Variants in BMP8B observed in about 807,000 individuals in gnomAD.
BMP8B encodes bone morphogenetic protein 8b, also known as bone morphogenetic protein 8 (osteogenic protein 2).
A neutral mutation model predicts 30.3 loss-of-function variants in BMP8B; 17 were observed. The observed-to-expected ratio is 0.56, with a 90% CI of 0.38 to 0.84. The LOEUF is 0.84. BMP8B is among the 40% of genes least tolerant of loss of function. The pLI is 0.00. For missense variants in BMP8B, 253 were observed against 494.6 expected, an observed-to-expected ratio of 0.51 and a Z score of 4.63; for synonymous variants, 131 against 214.7, an observed-to-expected ratio of 0.61 and a Z score of 3.41.
chr1:39,788,175 A>T lies in BMP8B; in HGVS notation c.311T>A (p.Leu104Gln). Residue 104 changes from leucine (L) to glutamine (Q), a missense_variant, in exon 1 of 7, where the codon CTG becomes CAG. Coordinates refer to ENST00000372827, the MANE Select transcript of BMP8B (RefSeq NM_001720.5). The surrounding 1 kb of genome is among the most constrained non-coding windows in gnomAD (Gnocchi z 5.8). The part of the protein sequence containing the change: ...PAERRLGRAD[L>Q]VMSFVNMVER... ...ACCCATGTTAACGAAGCTCATGACC[A>T]GGTCGGCGCGGCCCAGGCGCCGCTC... 1 of 1,573,934 alleles carries T rather than the reference A, an allele frequency of 6.4e-7. No individual in the cohort carries two copies. The highest frequency in any genetic ancestry group is 8.5e-7 in the Non-Finnish European group (1 of 1,169,994).
At chr1:39,766,892 C>T (rs1413380265) in intron 3 of BMP8B, among the ~76,000 whole-genome samples, 18 of 151,608 alleles carry the variant, frequency 1.2e-4, no homozygotes, top group African/African-American at 4.1e-4. Context: ...GTCACCAGCC[C>T]GGGCACTGGA....
rs1445389318 is a variant in BMP8B at position 39,771,190 on chromosome 1, G to A, written c.673+3118C>T. 5 of 1,536,158 alleles carry A rather than the reference G, an allele frequency of 3.3e-6. No individual in the cohort carries two copies. The East Asian group carries it at 9.7e-5, about 30-fold the overall frequency. The stretch of plus-strand genomic sequence containing the variant: ...AGCGGGCGCAGCCCTGGGACAGCGC[G>A]AGCCCTGAGCCGCCGGCGGGGACCC... On this transcript the variant is annotated intron_variant, in intron 3 of 6. Transcript: ENST00000372827.
chr1:39,782,468 T>C (rs1465211553), intron 1 of BMP8B, among the ~76,000 whole-genome samples: 3 of 140,214 alleles, frequency 2.1e-5, no homozygotes, highest in African/African-American at 8.1e-5. Flanking sequence ...GCTTTGTTTT[T>C]GTTTTTGTTT....
intron 1 of BMP8B, among the ~76,000 whole-genome samples, chr1:39,786,847 C>A (rs1200769551): frequency 4.6e-5 from 7 of 152,266 alleles, no homozygotes; most frequent in African/African-American, 1.4e-4. Flanking sequence ...CTCGCCTCCA[C>A]CACCAGCTCT....
chr1:39,775,852 T>C (rs1650187666), intron 1 of BMP8B, among the ~76,000 whole-genome samples: 1 of 152,116 alleles, frequency 6.6e-6, no homozygotes, highest in Middle Eastern at 3.4e-3. Context: ...AGGGTCTCAC[T>C]GGGTGATGGG....
In BMP8B at chr1:39,760,279, G is replaced by C; in HGVS notation, c.*140C>G. The C allele has an allele frequency of 1.5e-6, 2 of 1,349,870 alleles. No individual in the cohort carries two copies. The highest frequency in any genetic ancestry group is 2.0e-6 in the Non-Finnish European group (2 of 1,001,576). 83.6% of individuals were successfully genotyped at this position (1,349,870 alleles called of 1,614,324 possible). A position where few individuals can be genotyped will look rare whatever the true frequency, so the allele number is the denominator to read the frequency against. On this transcript the variant is annotated 3_prime_UTR_variant, in exon 7 of 7. Transcript: ENST00000372827. ...GAGCATAGGAGCCTGGCATGAAGGA[G>C]AAAGGGTCATGTACGTGGTTGTGAG... is the stretch of plus-strand genomic sequence containing the variant.
intron 3 of BMP8B, among the ~76,000 whole-genome samples, chr1:39,771,551 A>T (rs1373446770): frequency 6.6e-6 from 1 of 151,534 alleles, no homozygotes; most frequent in East Asian, 1.9e-4. Flanking sequence ...CTCCTGCCCC[A>T]GTGGAGCCTC....
chr1:39,776,937 T>A (rs965853146), intron 1 of BMP8B, among the ~76,000 whole-genome samples: 2 of 152,214 alleles, frequency 1.3e-5, no homozygotes, highest in African/African-American at 4.8e-5. Context: ...ATATGGGATG[T>A]CATTTCTATT....
rs913489740 is a variant in BMP8B at position 39,759,724 on chromosome 1, G to A, written c.*695C>T. 3.9e-5 allele frequency: 6 copies of A among 152,226 alleles called. No homozygotes were observed. The highest frequency in any genetic ancestry group is 1.4e-4 in the African/African-American group (6 of 41,452). The allele number at this position is 152,226 out of a possible 1,614,324, so 9.4% of individuals were successfully genotyped here. A position where few individuals can be genotyped will look rare whatever the true frequency, so the allele number is the denominator to read the frequency against. ...TTTTTCTGTTTCTCCAAAGTAAAAT[G>A]TCCATGCTCTTACATGTCTTTCCTA... On this transcript the variant is annotated 3_prime_UTR_variant, in exon 7 of 7. Coordinates refer to ENST00000372827, the MANE Select transcript of BMP8B (RefSeq NM_001720.5).
intron 6 of BMP8B, among the ~76,000 whole-genome samples, chr1:39,761,939 G>A (rs1649046459): frequency 6.6e-6 from 1 of 152,252 alleles, no homozygotes; most frequent in Admixed American, 6.5e-5. Context: ...TTGAGCCCCT[G>A]AGGGGCAGGG....
At chr1:39,764,218 G>A (rs1379981286) in intron 4 of BMP8B, among the ~76,000 whole-genome samples, 2 of 152,262 alleles carry the variant, frequency 1.3e-5, no homozygotes, top group African/African-American at 2.4e-5. Context: ...CACGGGGTTG[G>A]GTCAGGCCTG....
In BMP8B at chr1:39,788,436, G is replaced by T; in HGVS notation, c.50C>A (p.Ala17Glu). The T allele has an allele frequency of 9.6e-7, 1 of 1,036,342 alleles. No individual in the cohort carries two copies. The highest frequency in any genetic ancestry group is 1.2e-6 in the Non-Finnish European group (1 of 864,648). 64.2% of individuals were successfully genotyped at this position (1,036,342 alleles called of 1,614,324 possible). A position where few individuals can be genotyped will look rare whatever the true frequency, so the allele number is the denominator to read the frequency against. Reference sequence around the variant, plus strand: ...CAGGCCGGGGCCGCCCCCGCCCAGCGCGCATAGCGCCAGGCCCAGGAGCCA... The same window carrying T: ...CAGGCCGGGGCCGCCCCCGCCCAGCTCGCATAGCGCCAGGCCCAGGAGCCA... ...PLWLLGLALC[A>E]LGGGGPGLRP... The change falls in exon 1 of 7, where the codon GCG (alanine) becomes GAG (glutamate). Residue 17 changes from alanine (A) to glutamate (E), a missense_variant. Ala to Glu is a moderately radical substitution (Grantham distance 107, BLOSUM62 -1). Transcript: ENST00000372827. This position sits in a 1 kb window ranked among gnomAD's most constrained non-coding sequence, Gnocchi z 5.8.
intron 3 of BMP8B, among the ~76,000 whole-genome samples, chr1:39,769,014 A>G (rs1649770556): frequency 6.7e-6 from 1 of 149,036 alleles, no homozygotes; most frequent in Admixed American, 6.7e-5. Flanking sequence ...CTCCATTTCT[A>G]TAAATAAATT....
At position 39,763,799 on chromosome 1, in the gene BMP8B, G is replaced by C. The variant is rs745780354; in HGVS notation, c.869-8C>G. 5 of 1,599,096 alleles carry C rather than the reference G, an allele frequency of 3.1e-6. No individual in the cohort carries two copies. The East Asian group carries it at 6.7e-5, about 22-fold the overall frequency. ...GGGAGCCGTGGACGTCATCTGCAGG[G>C]ACAGAAGGGGCAAGGTCTTTTCTGG... is the stretch of plus-strand genomic sequence containing the variant. On this transcript the variant is annotated splice_polypyrimidine_tract_variant and splice_region_variant and intron_variant, in intron 4 of 6. Transcript: ENST00000372827.
chr1:39,782,117 C>T (rs1650678281), intron 1 of BMP8B, among the ~76,000 whole-genome samples: 1 of 149,730 alleles, frequency 6.7e-6, no homozygotes, highest in East Asian at 2.0e-4. Context: ...CACCATTGCA[C>T]TCCAGCATGG....
intron 1 of BMP8B, among the ~76,000 whole-genome samples, chr1:39,785,449 G>A (rs1650905714): frequency 1.3e-5 from 2 of 152,018 alleles, no homozygotes; most frequent in South Asian, 2.1e-4. Flanking sequence ...ACATCAGGAC[G>A]CAGGCTTGGC....
chr1:39,782,091 C>T (rs1383436893), intron 1 of BMP8B, among the ~76,000 whole-genome samples: 1 of 148,544 alleles, frequency 6.7e-6, no homozygotes, highest in Non-Finnish European at 1.5e-5. Flanking sequence ...AAGGAGGTTG[C>T]AGTGAGCCAA....
intron 3 of BMP8B, chr1:39,769,585 G>C (rs1438021334): frequency 7.2e-7 from 1 of 1,390,656 alleles, no homozygotes; most frequent in Non-Finnish European, 9.4e-7. Context: ...TCCACCTAGG[G>C]AGGAAAGTAG....
In BMP8B at chr1:39,759,616, C is replaced by T. The variant is rs1357572703; in HGVS notation, c.*803G>A. The T allele has an allele frequency of 6.6e-6, 1 of 152,242 alleles. No homozygotes were observed. The highest frequency in any genetic ancestry group is 1.5e-5 in the Non-Finnish European group (1 of 68,046). The allele number at this position is 152,242 out of a possible 1,614,324, so 9.4% of individuals were successfully genotyped here. On this transcript the variant is annotated 3_prime_UTR_variant, in exon 7 of 7. Coordinates refer to ENST00000372827, the MANE Select transcript of BMP8B (RefSeq NM_001720.5). The stretch of plus-strand genomic sequence containing the variant: ...CACCCAATGCAACCACATGCTTGCT[C>T]AGCAAAGGGAAAACTCCACAGAGCT...
Sources: gnomAD v4.1 joint callset for allele counts (sites outside exome capture counted in the v4.1 genomes callset) on GRCh38, gnomAD v4.1.1 for gene constraint, Gnocchi (gnomAD v3.1) non-coding constraint, MANE v1.5 for transcripts, NCBI Gene and HGNC (gene_info 2026-07-23, HGNC 2026-07-21) for gene names.